The following PPP2R5C variants were observed in gnomAD, a reference collection of about 807,000 sequenced individuals.
PPP2R5C encodes serine/threonine-protein phosphatase 2A 56 kDa regulatory subunit gamma isoform.
A neutral mutation model predicts 68.9 loss-of-function variants in PPP2R5C; 7 were observed. The ratio of observed to expected loss-of-function variants is 0.10; its 90% CI spans 0.06 to 0.19. PPP2R5C has a LOEUF of 0.19. Ranked by LOEUF, PPP2R5C falls within the 10% of genes least tolerant of loss-of-function variation. PPP2R5C has a pLI of 1.00. For missense variants in PPP2R5C, 348 were observed against 641.3 expected, an observed-to-expected ratio of 0.54 and a Z score of 4.94; for synonymous variants, 210 against 222.2, an observed-to-expected ratio of 0.95 and a Z score of 0.49.
intron 3 of PPP2R5C, among the ~76,000 whole-genome samples, chr14:101,793,765 A>G (rs1052564938): frequency 6.6e-6 from 1 of 152,232 alleles, no homozygotes; most frequent in Non-Finnish European, 1.5e-5. Context: ...ATGAGGTTGC[A>G]TGAAGGAATT....
At chr14:101,889,773 G>T in intron 5 of PPP2R5C, 1 of 350,078 alleles carries the variant, frequency 2.9e-6, no homozygotes, top group Non-Finnish European at 5.5e-6. Flanking sequence ...TCTACCCTTT[G>T]CAGGAACTGT....
At chr14:101,851,581 C>T (rs1169888544) in intron 1 of PPP2R5C, among the ~76,000 whole-genome samples, 3 of 152,158 alleles carry the variant, frequency 2.0e-5, no homozygotes, top group Non-Finnish European at 4.4e-5. Context: ...TGTGAGCCTG[C>T]ACATTCTGGG....
At chr14:101,827,574 C>G (rs539061623) in intron 1 of PPP2R5C, among the ~76,000 whole-genome samples, 1 of 152,336 alleles carries the variant, frequency 6.6e-6, no homozygotes, top group African/African-American at 2.4e-5. Context: ...CTGTTGCTTT[C>G]TCTCGCGAAG....
At chr14:101,872,023 A>G (rs1403563907) in intron 2 of PPP2R5C, among the ~76,000 whole-genome samples, 1 of 152,026 alleles carries the variant, frequency 6.6e-6, no homozygotes, top group East Asian at 1.9e-4. Flanking sequence ...GTTTTCGGGT[A>G]TTAAAAATCT....
chr14:101,893,251 C>A, intron 7 of PPP2R5C, 143 bp downstream of exon 9: 4 of 556,508 alleles, frequency 7.2e-6, no homozygotes, highest in Non-Finnish European at 9.5e-6. Flanking sequence ...TGGTGATAAT[C>A]GAAAGAATAA....
chr14:101,807,516 T>C (rs746259710), upstream of PPP2R5C, among the ~76,000 whole-genome samples: 16 of 152,340 alleles, frequency 1.1e-4, 1 homozygote, highest in Middle Eastern at 0.014. Context: ...TGAATTTTAA[T>C]TGGAAATACT....
chr14:101,878,306 A>G (rs774483250), intron 2 of PPP2R5C, among the ~76,000 whole-genome samples: 2 of 152,236 alleles, frequency 1.3e-5, no homozygotes, highest in African/African-American at 2.4e-5. Context: ...CATTGAGTCC[A>G]TGACAGACAC....
chr14:101,822,420 G>A (rs908245964), intron 1 of PPP2R5C, among the ~76,000 whole-genome samples: 7 of 152,056 alleles, frequency 4.6e-5, no homozygotes, highest in African/African-American at 1.7e-4. Context: ...CTATCCAATG[G>A]GTAGGGTTTT....
At chr14:101,874,122 G>A (rs2043599130) in intron 2 of PPP2R5C, among the ~76,000 whole-genome samples, 1 of 152,176 alleles carries the variant, frequency 6.6e-6, no homozygotes, top group Non-Finnish European at 1.5e-5. Flanking sequence ...AATTTATAAT[G>A]CCATAATTTC....
chr14:101,836,064 G>T (rs2041074183), intron 1 of PPP2R5C: 1 of 609,066 alleles, frequency 1.6e-6, no homozygotes, highest in East Asian at 2.7e-5. Context: ...AAATACAATG[G>T]GAAATTAAAT....
Position 101,877,369 on chromosome 14 carries a change from T to C in PPP2R5C, c.295-4792T>C, listed in dbSNP as rs994427754. ...TTCCATGAGGCTGTGCTGCCTTTGT[T>C]GGGCAGCGTGATTCTGCGTCTGTGC... On this transcript the variant is annotated intron_variant, in intron 2 of 13. Coordinates refer to ENST00000334743, the Ensembl canonical transcript of PPP2R5C. The surrounding 1 kb of genome is among the most constrained non-coding windows in gnomAD (Gnocchi z 4.2). Among the ~76,000 whole-genome samples, 3 of 152,140 alleles carry C rather than the reference T, an allele frequency of 2.0e-5. No individual in the cohort carries two copies. Among genetic ancestry groups the C allele is most frequent in the African/African-American group, 7.2e-5 (3 of 41,424 alleles).
chr14:101,811,931 T>C (rs2039387270), intron 1 of PPP2R5C, among the ~76,000 whole-genome samples: 1 of 152,158 alleles, frequency 6.6e-6, no homozygotes. Context: ...GGGTGGTTGG[T>C]TGCTTGCTGT....
intron 2 of PPP2R5C, among the ~76,000 whole-genome samples, chr14:101,776,227 T>C (rs1202341077): frequency 6.6e-6 from 1 of 152,004 alleles, no homozygotes; most frequent in Non-Finnish European, 1.5e-5. Context: ...TAATTTCCCA[T>C]CATTAAGCCA....
exon 14 of PPP2R5C, chr14:101,926,430 A>G (rs958164208): frequency 3.3e-5 from 5 of 152,780 alleles, no homozygotes; most frequent in Admixed American, 3.3e-4. Flanking sequence ...ACATGCTGCT[A>G]TATATTCCAC....
chr14:101,799,772 C>G (rs1323794014), intron 3 of PPP2R5C, among the ~76,000 whole-genome samples: 1 of 152,118 alleles, frequency 6.6e-6, no homozygotes, highest in Non-Finnish European at 1.5e-5. Flanking sequence ...TGTGTTGGTT[C>G]CATTTTCCAT....
chr14:101,787,577 C>A (rs1040614424), intron 3 of PPP2R5C, among the ~76,000 whole-genome samples: 18 of 143,612 alleles, frequency 1.3e-4, no homozygotes, highest in African/African-American at 3.6e-4. Context: ...TCCTGGCTAA[C>A]ATGGTGAAAC....
At position 101,769,988 on chromosome 14, in the gene PPP2R5C, C is replaced by CGTGTA. The variant is rs1422263818; in HGVS notation, c.93+7018_93+7019insGTGTA. Among the ~76,000 whole-genome samples, 3 of 152,206 alleles carry CGTGTA rather than the reference C, an allele frequency of 2.0e-5. No individual in the cohort carries two copies. The East Asian group carries it at 5.8e-4, about 29-fold the overall frequency. On this transcript the variant is annotated intron_variant, in intron 2 of 14. Coordinates refer to the PPP2R5C transcript ENST00000328724. ...GAATAGCCTGTCACTCCAGGCTACA[C>CGTGTA]ACCTGTACAGCATGTCATTTAACTG...
chr14:101,810,193 T>C (rs2039274215), intron 1 of PPP2R5C: 1 of 664,344 alleles, frequency 1.5e-6, no homozygotes. Context: ...GTCACTGCAG[T>C]TTGGCATTTT....
Position 101,815,525 on chromosome 14 carries a change from C to G in PPP2R5C, c.94+5489C>G, listed in dbSNP as rs1189754356. 4.6e-5 allele frequency among the ~76,000 whole-genome samples: 7 copies of G among 152,174 alleles called. No homozygotes were observed. In the East Asian group the frequency reaches 1.3e-3, roughly 29 times the overall value. ...AGTAACTGTTGACTTACCTCCTCCACAAAATCAGGAGTATCCCGAGGACAG... is the reference window on the plus strand; with the variant it reads ...AGTAACTGTTGACTTACCTCCTCCAGAAAATCAGGAGTATCCCGAGGACAG... On this transcript the variant is annotated intron_variant, in intron 1 of 13. Coordinates refer to ENST00000334743, the Ensembl canonical transcript of PPP2R5C.
Sources: gnomAD v4.1 joint callset for allele counts (sites outside exome capture counted in the v4.1 genomes callset) on GRCh38, gnomAD v4.1.1 for gene constraint, Gnocchi (gnomAD v3.1) non-coding constraint, MANE v1.5 for transcripts, NCBI Gene and HGNC (gene_info 2026-07-23, HGNC 2026-07-21) for gene names.